Variants in FGGY observed in about 807,000 individuals in gnomAD.
FGGY encodes FGGY carbohydrate kinase domain-containing protein.
In FGGY, 72 loss-of-function variants were observed where a neutral mutation model predicts 71.3. The observed-to-expected ratio is 1.01, with a 90% CI of 0.84 to 1.23. The LOEUF (loss-of-function observed/expected upper bound fraction) is 1.23, where lower values mean the gene tolerates loss of function less well. Among genes scored for constraint, FGGY ranks in the 50% most tolerant of loss-of-function variants. The probability of loss-of-function intolerance (pLI) is 0.00; values close to 1 mark genes in which losing one functional copy is unlikely to be tolerated. For missense variants in FGGY, 668 were observed against 682.3 expected (o/e 0.98, Z 0.23); for synonymous variants, 251 against 250.3 (o/e 1.00, Z -0.02).
At chr1:59,379,511 C>G (rs369256380) in intron 5 of FGGY, among the ~76,000 whole-genome samples, 10 of 152,032 alleles carry the variant, frequency 6.6e-5, no homozygotes, top group African/African-American at 1.2e-4. Flanking sequence ...ATGAAACTTG[C>G]AGGACTAGAA....
At chr1:59,467,243 T>C (rs780748373) in intron 6 of FGGY, among the ~76,000 whole-genome samples, 20 of 151,594 alleles carry the variant, frequency 1.3e-4, no homozygotes, top group Non-Finnish European at 2.6e-4. Context: ...GAGCAAACTA[T>C]CACAAGGACA....
chr1:59,653,608 G>A (rs1572704356), intron 11 of FGGY, among the ~76,000 whole-genome samples: 1 of 152,158 alleles, frequency 6.6e-6, no homozygotes, highest in African/African-American at 2.4e-5. Flanking sequence ...GCCCTGCTTC[G>A]GCTTGCGCAT....
chr1:59,530,114 T>G (rs1170138121), intron 7 of FGGY, among the ~76,000 whole-genome samples: 1 of 152,128 alleles, frequency 6.6e-6, no homozygotes, highest in African/African-American at 2.4e-5. Flanking sequence ...TAGATGGAGA[T>G]ATCTAGTATA....
At chr1:59,548,417 T>G (rs2095558683) in intron 7 of FGGY, among the ~76,000 whole-genome samples, 1 of 152,198 alleles carries the variant, frequency 6.6e-6, no homozygotes, top group African/African-American at 2.4e-5. Flanking sequence ...CTAAATCTCA[T>G]TTAATTCTCA....
intron 5 of FGGY, among the ~76,000 whole-genome samples, chr1:59,433,411 C>G (rs760744061): frequency 1.3e-5 from 2 of 152,144 alleles, no homozygotes; most frequent in Non-Finnish European, 2.9e-5. Flanking sequence ...CTGGATCTCT[C>G]AAAGATGATG....
intron 1 of FGGY, among the ~76,000 whole-genome samples, chr1:59,307,963 G>A (rs1570040340): frequency 1.3e-5 from 2 of 152,136 alleles, no homozygotes; most frequent in South Asian, 2.1e-4. Flanking sequence ...GGCCAGTGAT[G>A]TGTCCCAGCA....
At chr1:59,441,541 T>C (rs1162933552) in intron 5 of FGGY, among the ~76,000 whole-genome samples, 1 of 152,202 alleles carries the variant, frequency 6.6e-6, no homozygotes, top group Non-Finnish European at 1.5e-5. Flanking sequence ...TATTATATTT[T>C]CTTTCTCAGA....
chr1:59,617,979 G>A (rs116454481), intron 9 of FGGY, among the ~76,000 whole-genome samples: 169 of 152,162 alleles, frequency 1.1e-3, no homozygotes, highest in African/African-American at 4.0e-3. Flanking sequence ...GCTATAAATG[G>A]GTGTATGGAA....
chr1:59,547,523 T>A (rs1296531778), intron 7 of FGGY, among the ~76,000 whole-genome samples: 1 of 152,192 alleles, frequency 6.6e-6, no homozygotes, highest in Non-Finnish European at 1.5e-5. Context: ...TTTAGTAGTG[T>A]GGGACCTTGT....
chr1:59,543,756 A>G (rs2095481186), intron 7 of FGGY, among the ~76,000 whole-genome samples: 1 of 150,952 alleles, frequency 6.6e-6, no homozygotes, highest in Non-Finnish European at 1.5e-5. Context: ...GTCACTTCCC[A>G]TCTGTTTCCT....
At chr1:59,591,614 G>T (rs1308800795) in intron 8 of FGGY, among the ~76,000 whole-genome samples, 2 of 152,284 alleles carry the variant, frequency 1.3e-5, no homozygotes, top group South Asian at 2.1e-4. Context: ...TAACAGGACA[G>T]AGCCCTCAGA....
intron 2 of FGGY, among the ~76,000 whole-genome samples, chr1:59,323,440 G>C (rs79477581): frequency 5.9e-4 from 90 of 152,348 alleles, no homozygotes; most frequent in African/African-American, 2.2e-3. Flanking sequence ...ATTCTCCTCA[G>C]ATGGAGTATG....
chr1:59,750,815 C>G (rs2098238953), intron 14 of FGGY, among the ~76,000 whole-genome samples: 1 of 152,004 alleles, frequency 6.6e-6, no homozygotes, highest in Non-Finnish European at 1.5e-5. Context: ...TCAGCCCACA[C>G]ATTAGCATGT....
At chr1:59,428,298 C>A (rs2066737460) in intron 5 of FGGY, among the ~76,000 whole-genome samples, 1 of 152,218 alleles carries the variant, frequency 6.6e-6, no homozygotes, top group Non-Finnish European at 1.5e-5. Flanking sequence ...AACCCTCATC[C>A]TTACGGATAG....
chr1:59,609,626 T>C (rs2096655559), intron 9 of FGGY, among the ~76,000 whole-genome samples: 1 of 152,214 alleles, frequency 6.6e-6, no homozygotes, highest in Non-Finnish European at 1.5e-5. Context: ...AATATCTGCT[T>C]ATGTTATGAT....
At chr1:59,330,568 C>CAAA (rs530024547) in intron 2 of FGGY, among the ~76,000 whole-genome samples, 1 of 122,344 alleles carries the variant, frequency 8.2e-6, no homozygotes. Context: ...GACTCCATCT[C>CAAA]AAAAAAAAAA....
chr1:59,732,929 C>A (rs1269627548), intron 14 of FGGY, among the ~76,000 whole-genome samples: 2 of 152,022 alleles, frequency 1.3e-5, no homozygotes, highest in Admixed American at 6.6e-5. Context: ...ATGCACCTTC[C>A]CCCTGTTCCC....
intron 2 of FGGY, 139 bp from the exon 3 acceptor site, chr1:59,339,819 T>C: frequency 5.1e-6 from 3 of 585,364 alleles, no homozygotes; most frequent in Non-Finnish European, 9.0e-6. Flanking sequence ...TTTGGGATTA[T>C]AGTGATACTA....
chr1:59,674,090 C>T lies in FGGY; in HGVS notation c.1469C>T (p.Ala490Val). 1 of 1,614,000 alleles carries T rather than the reference C, an allele frequency of 6.2e-7. No individual in the cohort carries two copies. Among genetic ancestry groups the T allele is most frequent in the Non-Finnish European group, 8.5e-7 (1 of 1,179,954 alleles). ...QEVESVLVGAAVLGACASGDF... is the reference protein window; with the variant it reads ...QEVESVLVGAVVLGACASGDF... ...GTGGAGTCCGTTCTTGTGGGTGCTGCTGTTCTGGGTGCCTGTGCCTCAGGG... is the reference window on the plus strand; with the variant it reads ...GTGGAGTCCGTTCTTGTGGGTGCTGTTGTTCTGGGTGCCTGTGCCTCAGGG... The change falls in exon 14 of 16, where the codon GCT (alanine) becomes GTT (valine). Residue 490 changes from alanine (A) to valine (V), a missense_variant. By Grantham distance (64) the Ala-to-Val change is moderately conservative. This residue lies in a region of FGGY where 661 missense variants were observed against 661.6 expected (regional missense o/e 1.00). Transcript: ENST00000303721.
Sources: allele counts gnomAD v4.1 joint callset (sites outside exome capture counted in the v4.1 genomes callset), GRCh38; gene constraint gnomAD v4.1.1; regional missense constraint gnomAD v4.1.1; transcripts MANE v1.5; gene names NCBI Gene and HGNC (gene_info 2026-07-23, HGNC 2026-07-21).